Variants in C14orf180 observed in about 807,000 individuals in gnomAD.
C14orf180 encodes nutritionally-regulated adipose and cardiac enriched protein homolog.
C14orf180 carries 13 observed loss-of-function variants against 13.9 expected under a neutral mutation model. The ratio of observed to expected loss-of-function variants is 0.94; its 90% confidence interval spans 0.61 to 1.49. The LOEUF (loss-of-function observed/expected upper bound fraction) is 1.49. Ranked by LOEUF, C14orf180 falls within the 40% of genes most tolerant of loss-of-function variation. The pLI, the probability that C14orf180 is intolerant of heterozygous loss-of-function variation, is 0.00. For synonymous variants in C14orf180, 113 were observed against 106.3 expected (o/e 1.06, Z -0.39); for missense variants, 238 against 232.0 (o/e 1.03, Z -0.17).
chr14:104,585,364 C>T (rs1353359155), intron 1 of C14orf180, among the ~76,000 whole-genome samples: 1 of 152,252 alleles, frequency 6.6e-6, no homozygotes, highest in Non-Finnish European at 1.5e-5. Context: ...CCCCAGAGCC[C>T]TTGAAAGGCA....
At position 104,588,305 on chromosome 14, in the gene C14orf180, CAG is replaced by C. The variant is rs1886707003; in HGVS notation, c.274_275del (p.Arg92GlyfsTer101). 6.2e-7 allele frequency: 1 copy of C among 1,614,038 alleles called. No individual in the cohort carries two copies. The highest frequency in any genetic ancestry group is 8.5e-7 in the Non-Finnish European group (1 of 1,180,018). ...CTGACAAGAACGCCACAGCCACTGTCAGGGGTGAGTTCTGAGCCCACATCCCT... is the reference window on the plus strand; with the variant it reads ...CTGACAAGAACGCCACAGCCACTGTCGGGTGAGTTCTGAGCCCACATCCCT... ...IADKNATATVRVPGRPRPHGG... is the reference protein window; with the variant it reads ...IADKNATATVXVPGRPRPHGG... On this transcript the variant is annotated frameshift_variant and splice_region_variant, in exon 4 of 5. Transcript: ENST00000557649. LOFTEE classifies it low-confidence loss of function (END_TRUNC).
Position 104,589,090 on chromosome 14 carries a change from C to T in C14orf180, c.*307C>T. On this transcript the variant is annotated 3_prime_UTR_variant, in exon 5 of 5. Transcript: ENST00000557649. This position sits in a 1 kb window ranked among gnomAD's most constrained non-coding sequence, Gnocchi z 4.9. ...GGCTCCCCAGGCTCACCCAAAGACC[C>T]CTCCCTCGTCCCAGCAGGAACTCCT... The T allele has an allele frequency of 1.9e-6, 1 of 522,374 alleles. No individual in the cohort carries two copies. 32.4% of individuals were successfully genotyped at this position (522,374 alleles called of 1,614,324 possible). A position where few individuals can be genotyped will look rare whatever the true frequency, so the allele number is the denominator to read the frequency against.
In C14orf180 at chr14:104,588,617, TGCA is replaced by T. The variant is rs1391372915; in HGVS notation, c.320_322del (p.Gln107del). The T allele has an allele frequency of 9.4e-6, 14 of 1,492,382 alleles. No individual in the cohort carries two copies. Among genetic ancestry groups the T allele is most frequent in the Admixed American group, 2.2e-5 (1 of 45,656 alleles). 92.4% of individuals were successfully genotyped at this position (1,492,382 alleles called of 1,614,324 possible). ...AGGCCACACGGCGGCTCCCTGCTCC[TGCA>T]GCTGTGTGTGTGCGTCCTGCTCGTG... On this transcript the variant is annotated inframe_deletion, in exon 5 of 5. Transcript: ENST00000557649.
intron 4 of C14orf180, 51 bp downstream of exon 4, chr14:104,588,360 A>G: frequency 1.2e-6 from 2 of 1,607,944 alleles, no homozygotes; most frequent in African/African-American, 1.3e-5. Flanking sequence ...CCGTGGGTGC[A>G]CCCACCCTCA....
Position 104,583,150 on chromosome 14 carries a change from G to A in C14orf180, c.-17+3147G>A, listed in dbSNP as rs576994859. On this transcript the variant is annotated intron_variant, in intron 1 of 4. Coordinates refer to ENST00000557649, the MANE Select transcript of C14orf180 (RefSeq NM_001008404.3). ...AAGGTGCATCTCTGGAGAGGGGACC[G>A]CGGAGCTCAGGGAGGCTGCCTGGGA... Among the ~76,000 whole-genome samples, 51 of 151,218 alleles carry A rather than the reference G, an allele frequency of 3.4e-4. 1 individual carries two copies. In the South Asian group the frequency reaches 6.8e-3, roughly 20 times the overall value.
At chr14:104,582,471 A>G (rs1886469405) in intron 1 of C14orf180, among the ~76,000 whole-genome samples, 1 of 151,998 alleles carries the variant, frequency 6.6e-6, no homozygotes, top group Admixed American at 6.5e-5. Context: ...GGAGGGTCAC[A>G]CCCCAGACCA....
intron 1 of C14orf180, among the ~76,000 whole-genome samples, chr14:104,585,922 A>G (rs1886603482): frequency 6.6e-6 from 1 of 152,196 alleles, no homozygotes; most frequent in South Asian, 2.1e-4. Context: ...AAAGGTGGGC[A>G]TGACCCTCTG....
At chr14:104,585,811 G>A (rs1452101133) in intron 1 of C14orf180, among the ~76,000 whole-genome samples, 2 of 152,090 alleles carry the variant, frequency 1.3e-5, no homozygotes, top group Non-Finnish European at 2.9e-5. Context: ...ACACAGAATC[G>A]GCGGGGGCGC....
rs548394000 is a variant in C14orf180, at chr14:104,588,238, A to G, written c.242-36A>G. On this transcript the variant is annotated intron_variant, in intron 3 of 4. Transcript: ENST00000557649. Reference sequence around the variant, plus strand: ...GCGGGGGCGCCCGATGGACTGAGGCAGGTGCCCCCAGCTGACTCTCCATTC... The same window carrying G: ...GCGGGGGCGCCCGATGGACTGAGGCGGGTGCCCCCAGCTGACTCTCCATTC... 6.1e-5 allele frequency: 98 copies of G among 1,613,336 alleles called. 2 individuals carry two copies. In the South Asian group the frequency reaches 9.9e-4, roughly 16 times the overall value.
intron 4 of C14orf180, 91 bp from the exon 5 acceptor site, chr14:104,588,487 T>G: frequency 6.9e-7 from 1 of 1,439,202 alleles, no homozygotes; most frequent in South Asian, 1.4e-5. Context: ...ATGGACAGGG[T>G]GGAATCTCCC....
chr14:104,582,504 T>C (rs535475392), intron 1 of C14orf180, among the ~76,000 whole-genome samples: 45 of 152,208 alleles, frequency 3.0e-4, no homozygotes, highest in African/African-American at 1.1e-3. Context: ...TCAGCCCTCA[T>C]GGCCCCACCT....
At chr14:104,585,490 C>T (rs1327791456) in intron 1 of C14orf180, among the ~76,000 whole-genome samples, 1 of 152,228 alleles carries the variant, frequency 6.6e-6, no homozygotes, top group African/African-American at 2.4e-5. Flanking sequence ...TGGGGGGCTC[C>T]ACCGGTGAGC....
chr14:104,590,345 G>C lies in C14orf180; in HGVS notation c.*1562G>C, dbSNP rs976631769. The C allele has an allele frequency of 6.6e-6, 1 of 150,942 alleles. No individual in the cohort carries two copies. Among genetic ancestry groups the C allele is most frequent in the Non-Finnish European group, 1.5e-5 (1 of 67,824 alleles). The allele number at this position is 150,942 out of a possible 1,614,324, so 9.4% of individuals were successfully genotyped here. On this transcript the variant is annotated 3_prime_UTR_variant, in exon 5 of 5. Transcript: ENST00000557649. The stretch of plus-strand genomic sequence containing the variant: ...GGTTGGGTCTCTCAGAGCAGTCACA[G>C]GCCCAGGCTCAGCCCTGTGTGCTTG...
At position 104,588,993 on chromosome 14, in the gene C14orf180, C is replaced by CA; in HGVS notation, c.*211dup. On this transcript the variant is annotated 3_prime_UTR_variant, in exon 5 of 5. Transcript: ENST00000557649. ...GGCGGCCCCGCCACACTAGTCAGCA[C>CA]AGCCCTCCTGTCTCCTGTGTTGGGT... The CA allele has an allele frequency of 5.9e-6, 6 of 1,024,356 alleles. No individual in the cohort carries two copies. The highest frequency in any genetic ancestry group is 8.2e-6 in the Non-Finnish European group (6 of 730,362). The allele number at this position is 1,024,356 out of a possible 1,614,324, so 63.5% of individuals were successfully genotyped here.
rs199942352 is a variant in C14orf180, at chr14:104,587,725, G to A, written c.112-24G>A. On this transcript the variant is annotated intron_variant, in intron 2 of 4. Transcript: ENST00000557649. ...GCGGCCTCCCGCCGGGGACTCACCA[G>A]TCTGCTTCCCGCCCCCACACCAGGA... is the stretch of plus-strand genomic sequence containing the variant. 1.0e-4 allele frequency: 168 copies of A among 1,610,494 alleles called. 1 individual carries two copies. The African/African-American group carries it at 2.0e-3, about 20-fold the overall frequency.
chr14:104,585,771 G>A (rs977175956), intron 1 of C14orf180, among the ~76,000 whole-genome samples: 16 of 151,278 alleles, frequency 1.1e-4, no homozygotes, highest in African/African-American at 3.9e-4. Flanking sequence ...AGAGGCAGGG[G>A]GACAGAGAGA....
chr14:104,586,306 C>A, intron 1 of C14orf180, 109 bp from the exon 2 acceptor site: 1 of 704,954 alleles, frequency 1.4e-6, no homozygotes. Flanking sequence ...GGTCGCAAGC[C>A]CGGGAAGCCA....
chr14:104,588,385 G>A (rs550307365), intron 4 of C14orf180, 76 bp downstream of exon 4: 2 of 1,598,082 alleles, frequency 1.3e-6, no homozygotes, highest in Admixed American at 1.7e-5. Context: ...CTCCCCGAGG[G>A]AGGTGTCACA....
Position 104,587,895 on chromosome 14 carries a change from A to T in C14orf180, c.241+17A>T. ...CCGTCCACTGTAAGAGGGCACCCGC[A>T]GCAAGCAGCTGGGAGAGGGTGGAGT... On this transcript the variant is annotated intron_variant, in intron 3 of 4. Transcript: ENST00000557649. 6.3e-7 allele frequency: 1 copy of T among 1,595,590 alleles called. No homozygotes were observed. Among genetic ancestry groups the T allele is most frequent in the Non-Finnish European group, 8.6e-7 (1 of 1,169,352 alleles).
Sources: gnomAD v4.1 joint callset for allele counts (sites outside exome capture counted in the v4.1 genomes callset) on GRCh38, gnomAD v4.1.1 for gene constraint, Gnocchi (gnomAD v3.1) non-coding constraint, MANE v1.5 for transcripts, NCBI Gene and HGNC (gene_info 2026-07-23, HGNC 2026-07-21) for gene names.